The following CLIP2 variants were observed in gnomAD, a reference collection of about 807,000 sequenced individuals.
CLIP2 encodes CAP-Gly domain-containing linker protein 2.
Under a neutral mutation model 111.7 loss-of-function variants are expected in CLIP2, and 41 were observed. That is an observed-to-expected ratio of 0.37 (90% CI 0.29 to 0.48). The LOEUF (loss-of-function observed/expected upper bound fraction) is 0.48, where lower values mean the gene tolerates loss of function less well. Ranked by LOEUF, CLIP2 falls within the 20% of genes least tolerant of loss-of-function variation. The probability of loss-of-function intolerance (pLI) is 0.99; values close to 1 mark genes in which losing one functional copy is unlikely to be tolerated. For synonymous variants in CLIP2, 660 were observed against 644.2 expected (o/e 1.02, Z -0.37); for missense variants, 1,160 against 1,422.1 (o/e 0.82, Z 2.96).
intron 14 of CLIP2, among the ~76,000 whole-genome samples, chr7:74,398,019 ACGGGT>A (rs1381148836): frequency 6.6e-6 from 1 of 151,664 alleles, no homozygotes; most frequent in East Asian, 2.0e-4. Context: ...GTCTGCAGAG[ACGGGT>A]TGGGGTAGGC....
intron 12 of CLIP2, chr7:74,388,866 G>A: frequency 2.5e-6 from 1 of 404,146 alleles, no homozygotes; most frequent in Non-Finnish European, 4.4e-6. Context: ...TGAGGCAGGA[G>A]GATTGCTTGA....
At chr7:74,298,611 C>T (rs529970510) in intron 1 of CLIP2, among the ~76,000 whole-genome samples, 21 of 151,722 alleles carry the variant, frequency 1.4e-4, no homozygotes, top group Middle Eastern at 3.4e-3. Context: ...CGGCTCACTG[C>T]GGCCTCCGCC....
chr7:74,375,539 C>A (rs1225471914), intron 9 of CLIP2, among the ~76,000 whole-genome samples: 1 of 93,650 alleles, frequency 1.1e-5, no homozygotes, highest in South Asian at 4.1e-4. Context: ...CGTGACAGAG[C>A]GAGACTCAAA....
intron 2 of CLIP2, among the ~76,000 whole-genome samples, chr7:74,324,185 T>G (rs782064668): frequency 3.3e-5 from 5 of 151,842 alleles, no homozygotes; most frequent in Non-Finnish European, 4.4e-5. Context: ...AGAGACAGAG[T>G]TTCGCCATGT....
chr7:74,321,614 G>T (rs2116512121), intron 2 of CLIP2, among the ~76,000 whole-genome samples: 1 of 151,694 alleles, frequency 6.6e-6, no homozygotes, highest in Admixed American at 6.6e-5. Flanking sequence ...GATTACAGGC[G>T]CCCGCCACCA....
intron 4 of CLIP2, among the ~76,000 whole-genome samples, chr7:74,354,616 A>G (rs113143551): frequency 1.3e-5 from 2 of 151,924 alleles, no homozygotes; most frequent in African/African-American, 4.8e-5. Context: ...CTCTGTCTCA[A>G]AAAAATTAGC....
chr7:74,393,791 C>T (rs1188581754), intron 13 of CLIP2, among the ~76,000 whole-genome samples: 1 of 152,158 alleles, frequency 6.6e-6, no homozygotes, highest in East Asian at 1.9e-4. Context: ...AAACTGTAGC[C>T]CTGCCCAGGA....
chr7:74,302,388 G>A (rs916573718), intron 1 of CLIP2, among the ~76,000 whole-genome samples: 1 of 151,620 alleles, frequency 6.6e-6, no homozygotes, highest in Admixed American at 6.6e-5. Flanking sequence ...ATTAATTTTT[G>A]TATTTTAGTA....
chr7:74,306,687 T>C (rs1788499710), intron 1 of CLIP2, among the ~76,000 whole-genome samples: 1 of 152,090 alleles, frequency 6.6e-6, no homozygotes. Context: ...GGACTGTTGG[T>C]CTGAATGCCA....
intron 1 of CLIP2, among the ~76,000 whole-genome samples, chr7:74,301,913 A>G (rs1295612571): frequency 2.0e-5 from 3 of 151,606 alleles, no homozygotes; most frequent in African/African-American, 4.8e-5. Context: ...GGGTTACACC[A>G]TGTTGGCCAG....
At chr7:74,379,981 T>C (rs1790897066) in intron 10 of CLIP2, 2 of 152,152 alleles carry the variant, frequency 1.3e-5, no homozygotes, top group Non-Finnish European at 2.9e-5. Context: ...AGTGTGAGCC[T>C]CATTACTGCA....
chr7:74,364,153 TG>T, intron 7 of CLIP2, 101 bp from the exon 8 acceptor site: 1 of 1,034,946 alleles, frequency 9.7e-7, no homozygotes, highest in Non-Finnish European at 1.4e-6. Flanking sequence ...CTCTGGATTC[TG>T]GGCCATTCTC....
At chr7:74,296,413 G>T (rs1361575200) in intron 1 of CLIP2, among the ~76,000 whole-genome samples, 1 of 152,126 alleles carries the variant, frequency 6.6e-6, no homozygotes, top group African/African-American at 2.4e-5. Flanking sequence ...GGGAGGCTGA[G>T]GCAGGAGAAT....
rs1328651427 is a variant in CLIP2, at chr7:74,293,927, T to G, written c.-68+4193T>G. Among the ~76,000 whole-genome samples, 3 of 151,950 alleles carry G rather than the reference T, an allele frequency of 2.0e-5. No individual in the cohort carries two copies. The East Asian group carries it at 5.8e-4, about 29-fold the overall frequency. ...GGGACTCGGGCTTTTTTTTTGTTTT[T>G]TTTTTTGAGATGGAGTTTCGCTCTT... is the stretch of plus-strand genomic sequence containing the variant. On this transcript the variant is annotated intron_variant, in intron 1 of 16. Coordinates refer to ENST00000223398, the MANE Select transcript of CLIP2 (RefSeq NM_003388.5).
At chr7:74,388,864 G>A (rs1791195393) in intron 12 of CLIP2, 1 of 399,748 alleles carries the variant, frequency 2.5e-6, no homozygotes, top group Non-Finnish European at 4.4e-6. Context: ...GCTGAGGCAG[G>A]AGGATTGCTT....
chr7:74,343,091 G>T (rs2116571682), intron 3 of CLIP2, among the ~76,000 whole-genome samples: 1 of 151,884 alleles, frequency 6.6e-6, no homozygotes, highest in Non-Finnish European at 1.5e-5. Flanking sequence ...AGGAGGTTGA[G>T]GCAGGAGAAT....
chr7:74,390,206 A>T (rs1287762022), intron 13 of CLIP2, among the ~76,000 whole-genome samples: 1 of 99,490 alleles, frequency 1.0e-5, no homozygotes, highest in Admixed American at 9.5e-5. Context: ...AGAAAGAAAG[A>T]AAGAAAGAAA....
intron 1 of CLIP2, among the ~76,000 whole-genome samples, chr7:74,306,742 G>C (rs1407805276): frequency 6.6e-6 from 1 of 152,340 alleles, no homozygotes; most frequent in East Asian, 1.9e-4. Context: ...CCTCCAGAGA[G>C]TAGTGACAGT....
rs1564023938 is a variant in CLIP2 at position 74,298,355 on chromosome 7, G to GTTTTT, written c.-68+8621_-68+8622insTTTTT. 1.2e-3 allele frequency among the ~76,000 whole-genome samples: 132 copies of GTTTTT among 107,946 alleles called. 1 individual carries two copies. The highest frequency in any genetic ancestry group is 2.2e-3 in the Admixed American group (23 of 10,400). The allele number at this position is 107,946 out of a possible 152,430, so 70.8% of individuals were successfully genotyped here. ...TGCCTACCACCACACCCTGCTAATT[G>GTTTTT]GTTTTTTTTTTTTTTTTTTTGTATT... On this transcript the variant is annotated intron_variant, in intron 1 of 16. Coordinates refer to ENST00000223398, the MANE Select transcript of CLIP2 (RefSeq NM_003388.5).
Sources: allele counts gnomAD v4.1 joint callset (sites outside exome capture counted in the v4.1 genomes callset), GRCh38; gene constraint gnomAD v4.1.1; transcripts MANE v1.5; gene names NCBI Gene and HGNC (gene_info 2026-07-23, HGNC 2026-07-21).